SCP2: variants seen among roughly 807,000 people sequenced by gnomAD.
The protein encoded by SCP2 is sterol carrier protein 2, also known as SCP-2/3-oxoacyl-CoA thiolase.
SCP2 carries 48 observed loss-of-function variants against 71.4 expected under a neutral mutation model. That is an observed-to-expected ratio of 0.67 (90% CI 0.53 to 0.86). The LOEUF (loss-of-function observed/expected upper bound fraction) is 0.86. Among genes scored for constraint, SCP2 ranks in the 40% least tolerant of loss-of-function variants. The pLI is 0.00. For missense variants in SCP2, 560 were observed against 655.6 expected (o/e 0.85, Z 1.59); for synonymous variants, 220 against 218.1 (o/e 1.01, Z -0.08).
At chr1:52,932,129 G>GA (rs1292249204) in intron 1 of SCP2, among the ~76,000 whole-genome samples, 1 of 151,926 alleles carries the variant, frequency 6.6e-6, no homozygotes, top group Non-Finnish European at 1.5e-5. Context: ...ATGAGTTCTA[G>GA]AAAAAGAACT....
At chr1:52,976,578 T>A (rs182404078) in intron 7 of SCP2, 105 bp from the exon 8 acceptor site, 401 of 731,468 alleles carry the variant, frequency 5.5e-4, no homozygotes, top group Non-Finnish European at 6.4e-4. Context: ...AAATCTGTCT[T>A]CTGGTTGTGA....
At chr1:52,950,644 A>C (rs992689206) in intron 3 of SCP2, 111 bp from the exon 4 acceptor site, 2 of 827,894 alleles carry the variant, frequency 2.4e-6, no homozygotes, top group Middle Eastern at 3.4e-4. Flanking sequence ...ACTGTCTTGC[A>C]CATGTTATAT....
intron 1 of SCP2, among the ~76,000 whole-genome samples, chr1:52,940,925 T>A (rs1217566300): frequency 1.3e-5 from 2 of 152,278 alleles, no homozygotes; most frequent in African/African-American, 4.8e-5. Context: ...AATTTTTGTA[T>A]TTTTAGTAGA....
intron 14 of SCP2, among the ~76,000 whole-genome samples, chr1:53,043,108 G>T (rs762059760): frequency 1.3e-5 from 2 of 152,140 alleles, no homozygotes; most frequent in Non-Finnish European, 2.9e-5. Context: ...TATCCCCAAG[G>T]TAAACTAGAA....
intron 14 of SCP2, among the ~76,000 whole-genome samples, chr1:53,043,097 C>T (rs1311181571): frequency 6.6e-6 from 1 of 152,180 alleles, no homozygotes; most frequent in African/African-American, 2.4e-5. Flanking sequence ...TCAGGGTCTC[C>T]TATCCCCAAG....
rs1035383891 is a variant in SCP2, at chr1:52,949,461, G to T, written c.200-1294G>T. ...AGCAAGGCCATTTTAACTTCCTGCA[G>T]AAAGGGTACACTCGCCAGCAGTTTT... On this transcript the variant is annotated intron_variant, in intron 3 of 15. Transcript: ENST00000371514. Among the ~76,000 whole-genome samples, 7 of 152,300 alleles carry T rather than the reference G, an allele frequency of 4.6e-5. No homozygotes were observed. The South Asian group carries it at 8.3e-4, about 18-fold the overall frequency.
chr1:53,012,836 T>C (rs1436800955), intron 11 of SCP2, among the ~76,000 whole-genome samples: 2 of 152,246 alleles, frequency 1.3e-5, no homozygotes, highest in Non-Finnish European at 2.9e-5. Flanking sequence ...AAATGGTATC[T>C]ATTTGATTTT....
intron 1 of SCP2, among the ~76,000 whole-genome samples, chr1:52,930,190 A>G (rs1264220727): frequency 6.6e-6 from 1 of 152,156 alleles, no homozygotes; most frequent in African/African-American, 2.4e-5. Flanking sequence ...ATGTATGGTA[A>G]TTTCATGAAA....
Position 52,948,481 on chromosome 1 carries a change from A to G in SCP2, c.199+401A>G, listed in dbSNP as rs2150122534. On this transcript the variant is annotated intron_variant, in intron 3 of 15. Transcript: ENST00000371514. The stretch of plus-strand genomic sequence containing the variant: ...AATACGGTGAAACCCTTCCTCTACT[A>G]AAAATACAAAAAATGCGCCTGTAGT... 1.3e-5 allele frequency among the ~76,000 whole-genome samples: 2 copies of G among 152,070 alleles called. 1 individual carries two copies. The highest frequency in any genetic ancestry group is 4.2e-4 in the South Asian group (2 of 4,796).
intron 14 of SCP2, among the ~76,000 whole-genome samples, chr1:53,044,572 T>A (rs1443504555): frequency 6.6e-6 from 1 of 152,188 alleles, no homozygotes; most frequent in African/African-American, 2.4e-5. Flanking sequence ...ATTGGACAAA[T>A]ACAGACAGAA....
At chr1:52,984,106 C>G (rs1658757083) in intron 10 of SCP2, among the ~76,000 whole-genome samples, 2 of 152,180 alleles carry the variant, frequency 1.3e-5, no homozygotes, top group African/African-American at 4.8e-5. Flanking sequence ...CTGGCTCTCT[C>G]CACTATAGAC....
At chr1:52,951,003 G>T in intron 4 of SCP2, 117 bp downstream of exon 4, 1 of 1,179,762 alleles carries the variant, frequency 8.5e-7, no homozygotes. Flanking sequence ...TCATCAGGCC[G>T]GGTGTGGTGG....
intron 13 of SCP2, among the ~76,000 whole-genome samples, chr1:53,028,454 T>G (rs1662288785): frequency 6.6e-6 from 1 of 151,790 alleles, no homozygotes; most frequent in South Asian, 2.1e-4. Context: ...GAATAATATT[T>G]AAAATGAGCC....
chr1:53,049,666 G>A (rs1162216523), intron 15 of SCP2: 3 of 152,132 alleles, frequency 2.0e-5, no homozygotes, highest in Admixed American at 6.6e-5. Context: ...AATATATTGT[G>A]TTCTGAGACA....
intron 13 of SCP2, among the ~76,000 whole-genome samples, chr1:53,029,949 C>T (rs58148442): frequency 0.15 from 23,424 of 151,650 alleles, 2,733 homozygotes; most frequent in East Asian, 0.32. Context: ...AGTGCAGTGG[C>T]GCGATCTTGG....
At chr1:53,044,409 C>T (rs1410265762) in intron 14 of SCP2, among the ~76,000 whole-genome samples, 2 of 152,186 alleles carry the variant, frequency 1.3e-5, no homozygotes. Context: ...GCTATTATGA[C>T]ATAATTTGAT....
intron 11 of SCP2, among the ~76,000 whole-genome samples, chr1:52,992,942 G>A (rs1187016444): frequency 1.3e-5 from 2 of 152,104 alleles, no homozygotes; most frequent in Non-Finnish European, 2.9e-5. Context: ...TAAAAAAAGA[G>A]CATGTCTGTG....
At chr1:52,943,696 T>C (rs1434180439) in intron 2 of SCP2, 3 of 443,612 alleles carry the variant, frequency 6.8e-6, no homozygotes, top group Non-Finnish European at 1.3e-5. Context: ...GCCAATCTGT[T>C]TTTAAGTCCT....
chr1:53,009,390 C>T (rs1660840486), intron 11 of SCP2, among the ~76,000 whole-genome samples: 1 of 152,192 alleles, frequency 6.6e-6, no homozygotes, highest in African/African-American at 2.4e-5. Context: ...TACAAGGCTA[C>T]AGTAACCAAA....
Sources: gnomAD v4.1 joint callset for allele counts (sites outside exome capture counted in the v4.1 genomes callset) on GRCh38, gnomAD v4.1.1 for gene constraint, MANE v1.5 for transcripts, NCBI Gene and HGNC (gene_info 2026-07-23, HGNC 2026-07-21) for gene names.